The following ZC3H6 variants were observed in gnomAD, a reference collection of about 807,000 sequenced individuals.
The protein encoded by ZC3H6 is zinc finger CCCH domain-containing protein 6.
ZC3H6 carries 40 observed loss-of-function variants against 107.7 expected under a neutral mutation model. The observed-to-expected ratio is 0.37, with a 90% CI of 0.29 to 0.48. ZC3H6 has a LOEUF of 0.48. ZC3H6 is among the 20% of genes least tolerant of loss of function. ZC3H6 has a pLI of 0.98. For missense variants in ZC3H6, 1,267 were observed against 1,410.4 expected, an observed-to-expected ratio of 0.90 and a Z score of 1.63; for synonymous variants, 493 against 487.9, an observed-to-expected ratio of 1.01 and a Z score of -0.14.
At chr2:112,300,219 CTT>C (rs879506959) in intron 2 of ZC3H6, among the ~76,000 whole-genome samples, 190 bp downstream of exon 2, 3 of 145,636 alleles carry the variant, frequency 2.1e-5, no homozygotes. Flanking sequence ...TAAGTTAAAT[CTT>C]TTTTTTTTTT....
intron 3 of ZC3H6, among the ~76,000 whole-genome samples, chr2:112,305,789 C>G (rs1471586216): frequency 6.6e-6 from 1 of 152,098 alleles, no homozygotes; most frequent in Non-Finnish European, 1.5e-5. Context: ...TATAACTTTT[C>G]ATTTTGTCAT....
intron 1 of ZC3H6, among the ~76,000 whole-genome samples, chr2:112,294,731 T>C (rs1676196719): frequency 6.6e-6 from 1 of 152,168 alleles, no homozygotes; most frequent in South Asian, 2.1e-4. Context: ...TGGAAAAAAG[T>C]AGAATCCTCT....
intron 11 of ZC3H6, among the ~76,000 whole-genome samples, chr2:112,326,173 G>A (rs897443634): frequency 1.3e-5 from 2 of 152,054 alleles, no homozygotes; most frequent in Admixed American, 6.6e-5. Flanking sequence ...GGTAAATAGA[G>A]TATCCACCAC....
chr2:112,290,125 C>A (rs1232149427), intron 1 of ZC3H6, among the ~76,000 whole-genome samples: 4 of 152,194 alleles, frequency 2.6e-5, no homozygotes, highest in Admixed American at 6.5e-5. Context: ...AAAAAACAAA[C>A]CTATAGTGTC....
chr2:112,334,508 A>G lies in ZC3H6; in HGVS notation c.*2020A>G, dbSNP rs901751000. ...AAAAGAGATATTCCAAGATTTATTA[A>G]AGAGTCAGGTTTAAAAGTTATTAAT... On this transcript the variant is annotated 3_prime_UTR_variant, in exon 12 of 12. Transcript: ENST00000409871. 12 of 152,150 alleles carry G rather than the reference A, an allele frequency of 7.9e-5. No homozygotes were observed. The highest frequency in any genetic ancestry group is 2.9e-4 in the African/African-American group (12 of 41,450). The allele number at this position is 152,150 out of a possible 1,614,324, so 9.4% of individuals were successfully genotyped here.
chr2:112,329,830 T>C (rs1418463460), intron 11 of ZC3H6, among the ~76,000 whole-genome samples: 2 of 152,190 alleles, frequency 1.3e-5, no homozygotes, highest in Non-Finnish European at 2.9e-5. Flanking sequence ...AGTAGATACC[T>C]TGTGGCCAAT....
At chr2:112,325,744 A>C (rs1348237139) in intron 11 of ZC3H6, among the ~76,000 whole-genome samples, 2 of 152,174 alleles carry the variant, frequency 1.3e-5, no homozygotes, top group African/African-American at 4.8e-5. Context: ...GCCCAATTTC[A>C]AAATGATTCA....
chr2:112,318,738 A>C (rs1253907216), intron 7 of ZC3H6, among the ~76,000 whole-genome samples: 1 of 152,208 alleles, frequency 6.6e-6, no homozygotes, highest in Admixed American at 6.5e-5. Context: ...TTGACCCAGC[A>C]ATCCCACGTT....
chr2:112,283,617 A>T (rs1362244047), intron 1 of ZC3H6, among the ~76,000 whole-genome samples: 1 of 152,356 alleles, frequency 6.6e-6, no homozygotes, highest in Non-Finnish European at 1.5e-5. Flanking sequence ...GTAGTTAGAC[A>T]TATAGACAGA....
In ZC3H6 at chr2:112,332,260, G is replaced by A. The variant is rs1190581592; in HGVS notation, c.3342G>A (p.Gln1114=). ...GVTLEGPADP[Q]ADVPRSSGKV... is the part of the protein sequence containing the mutation. ...CTCTTGAGGGGCCAGCTGACCCACA[G>A]GCGGACGTTCCCAGGAGTTCTGGTA... is the stretch of plus-strand genomic sequence containing the variant. Residue 1114 remains glutamine (Q), a synonymous_variant, in exon 12 of 12, where the codon CAG becomes CAA. Coordinates refer to ENST00000409871, the MANE Select transcript of ZC3H6 (RefSeq NM_198581.3). 1 of 1,613,952 alleles carries A rather than the reference G, an allele frequency of 6.2e-7. No homozygotes were observed. The highest frequency in any genetic ancestry group is 8.5e-7 in the Non-Finnish European group (1 of 1,179,872).
chr2:112,310,828 C>T (rs1018633103), intron 4 of ZC3H6, among the ~76,000 whole-genome samples: 1 of 152,114 alleles, frequency 6.6e-6, no homozygotes, highest in Non-Finnish European at 1.5e-5. Context: ...TGTATAACTA[C>T]CCTTTAATTA....
intron 8 of ZC3H6, 65 bp from the exon 9 acceptor site, chr2:112,322,584 C>T: frequency 6.7e-7 from 1 of 1,502,608 alleles, no homozygotes; most frequent in Non-Finnish European, 8.9e-7. Flanking sequence ...AAACTTAAGT[C>T]TTCTAGTTTT....
At chr2:112,314,132 G>C (rs1319110233) in intron 5 of ZC3H6, among the ~76,000 whole-genome samples, 1 of 152,100 alleles carries the variant, frequency 6.6e-6, no homozygotes, top group African/African-American at 2.4e-5. Flanking sequence ...AAATGACCAA[G>C]TACAGTAGGT....
At chr2:112,293,906 A>G (rs1676170462) in intron 1 of ZC3H6, among the ~76,000 whole-genome samples, 1 of 152,168 alleles carries the variant, frequency 6.6e-6, no homozygotes, top group Non-Finnish European at 1.5e-5. Context: ...GGACCACATG[A>G]TAGGTAACAT....
chr2:112,320,122 G>A (rs747037858), intron 7 of ZC3H6, among the ~76,000 whole-genome samples: 6 of 152,082 alleles, frequency 3.9e-5, no homozygotes, highest in Non-Finnish European at 7.4e-5. Context: ...TAGTAGAGAT[G>A]TTGTTTCTCC....
intron 1 of ZC3H6, among the ~76,000 whole-genome samples, chr2:112,296,816 C>T (rs1269628282): frequency 6.6e-6 from 1 of 152,196 alleles, no homozygotes; most frequent in Non-Finnish European, 1.5e-5. Flanking sequence ...GACAGTCATA[C>T]ACCCTGCTTT....
chr2:112,331,767 T>C lies in ZC3H6; in HGVS notation c.2849T>C (p.Phe950Ser). 1 of 1,613,584 alleles carries C rather than the reference T, an allele frequency of 6.2e-7. No homozygotes were observed. The highest frequency in any genetic ancestry group is 8.5e-7 in the Non-Finnish European group (1 of 1,179,802). ...AACAGAGAAGGCTACCTAGAACAAT[T>C]TGGAGACTCACACGGTTCAGGAGCT... ...TTNREGYLEQ[F>S]GDSHGSGAKL... The change falls in exon 12 of 12, where the codon TTT (phenylalanine) becomes TCT (serine). Residue 950 changes from phenylalanine (F) to serine (S), a missense_variant. Physicochemically the swap from Phe to Ser is radical, Grantham distance 155. Coordinates refer to ENST00000409871, the MANE Select transcript of ZC3H6 (RefSeq NM_198581.3).
In ZC3H6 at chr2:112,338,214, T is replaced by G. The variant is rs1274788186; in HGVS notation, c.*5726T>G. ...ATCTGCCCGCCTCAGCCTCCCAAAGTGCTGGGATTACAGGCGTGAGCCACT... is the reference window on the plus strand; with the variant it reads ...ATCTGCCCGCCTCAGCCTCCCAAAGGGCTGGGATTACAGGCGTGAGCCACT... On this transcript the variant is annotated 3_prime_UTR_variant, in exon 12 of 12. Coordinates refer to ENST00000409871, the MANE Select transcript of ZC3H6 (RefSeq NM_198581.3). 6.6e-6 allele frequency: 1 copy of G among 152,234 alleles called. No individual in the cohort carries two copies. Among genetic ancestry groups the G allele is most frequent in the African/African-American group, 2.4e-5 (1 of 41,442 alleles). 9.4% of individuals were successfully genotyped at this position (152,234 alleles called of 1,614,324 possible).
rs897686781 is a variant in ZC3H6 at position 112,335,384 on chromosome 2, G to A, written c.*2896G>A. Reference sequence around the variant, plus strand: ...TTTAAGCTGGAAGAAGAGTTGAGTAGTAAATCCTGTGTGAACTTTTAGCTC... The same window carrying A: ...TTTAAGCTGGAAGAAGAGTTGAGTAATAAATCCTGTGTGAACTTTTAGCTC... On this transcript the variant is annotated 3_prime_UTR_variant, in exon 12 of 12. Coordinates refer to ENST00000409871, the MANE Select transcript of ZC3H6 (RefSeq NM_198581.3). 3 of 152,180 alleles carry A rather than the reference G, an allele frequency of 2.0e-5. No homozygotes were observed. The highest frequency in any genetic ancestry group is 4.4e-5 in the Non-Finnish European group (3 of 68,020). 9.4% of individuals were successfully genotyped at this position (152,180 alleles called of 1,614,324 possible).
Sources: gnomAD v4.1 joint callset for allele counts (sites outside exome capture counted in the v4.1 genomes callset) on GRCh38, gnomAD v4.1.1 for gene constraint, MANE v1.5 for transcripts, NCBI Gene and HGNC (gene_info 2026-07-23, HGNC 2026-07-21) for gene names.